The following RLF variants were observed in gnomAD, a reference collection of about 807,000 sequenced individuals.
RLF encodes zinc finger protein Rlf.
In RLF, 7 loss-of-function variants were observed where a neutral mutation model predicts 162.9. The ratio of observed to expected loss-of-function variants is 0.04; its 90% CI spans 0.02 to 0.08. RLF has a LOEUF of 0.08. RLF is among the 10% of genes least tolerant of loss of function. The pLI, the probability that RLF is intolerant of heterozygous loss-of-function variation, is 1.00. For synonymous variants in RLF, 782 were observed against 791.5 expected (o/e 0.99, Z 0.20); for missense variants, 1,664 against 2,244.7 (o/e 0.74, Z 5.23).
chr1:40,194,054 T>C (rs764582145), intron 3 of RLF, among the ~76,000 whole-genome samples: 4 of 152,180 alleles, frequency 2.6e-5, no homozygotes, highest in Non-Finnish European at 5.9e-5. Flanking sequence ...GTGAAACATA[T>C]ACGTAATCAT....
intron 6 of RLF, among the ~76,000 whole-genome samples, chr1:40,230,220 A>G (rs1168324002): frequency 2.0e-5 from 3 of 152,118 alleles, no homozygotes; most frequent in African/African-American, 7.2e-5. Context: ...TTTAAATTAC[A>G]TGTTTTCATT....
Position 40,240,486 on chromosome 1 carries a change from T to C in RLF, c.*39T>C. 1 of 1,437,494 alleles carries C rather than the reference T, an allele frequency of 7.0e-7. No individual in the cohort carries two copies. The highest frequency in any genetic ancestry group is 9.6e-7 in the Non-Finnish European group (1 of 1,037,644). 89.0% of individuals were successfully genotyped at this position (1,437,494 alleles called of 1,614,324 possible). ...TTTAGTAACAGACTGGCTCCAACAC[T>C]GCAACATGGGGACATTTGCCAACTC... On this transcript the variant is annotated 3_prime_UTR_variant, in exon 8 of 8. Coordinates refer to ENST00000372771, the MANE Select transcript of RLF (RefSeq NM_012421.4).
In RLF at chr1:40,238,562, G is replaced by C. The variant is rs1643248294; in HGVS notation, c.3860G>C (p.Gly1287Ala). The C allele has an allele frequency of 1.9e-6, 3 of 1,613,658 alleles. No individual in the cohort carries two copies. The South Asian group carries it at 3.3e-5, about 18-fold the overall frequency. The change falls in exon 8 of 8, where the codon GGC becomes GCC. Residue 1287 changes from glycine (G) to alanine (A), a missense_variant. Transcript: ENST00000372771. This position sits in a 1 kb window ranked among gnomAD's most constrained non-coding sequence, Gnocchi z 5.2. ...AGAGAAGAACAAGAAGGAAGAGAGG[G>C]CAGAGGTAGCAGGCGAACTGTTGCT... ...SHREEQEGRE[G>A]RGSRRTVAKG...
chr1:40,178,687 G>GTT (rs59172683), intron 1 of RLF, among the ~76,000 whole-genome samples: 3 of 75,126 alleles, frequency 4.0e-5, no homozygotes, highest in Non-Finnish European at 8.6e-5. Flanking sequence ...TTTGTTTTGT[G>GTT]TTTTTTTTTT....
Position 40,171,014 on chromosome 1 carries a change from G to T in RLF, c.237+9378G>T, listed in dbSNP as rs1448255782. 1.5e-4 allele frequency among the ~76,000 whole-genome samples: 13 copies of T among 87,436 alleles called. 1 individual carries two copies. Among genetic ancestry groups the T allele is most frequent in the East Asian group, 4.9e-4 (2 of 4,082 alleles). The allele number at this position is 87,436 out of a possible 152,430, so 57.4% of individuals were successfully genotyped here. On this transcript the variant is annotated intron_variant, in intron 1 of 7. Transcript: ENST00000372771. Reference sequence around the variant, plus strand: ...TGACATTTGATTTGATAGTGTTTTTGTTTGTTTGTTTGTTTGTTTGTTTTA... The same window carrying T: ...TGACATTTGATTTGATAGTGTTTTTTTTTGTTTGTTTGTTTGTTTGTTTTA...
chr1:40,201,042 C>A (rs868555469), intron 4 of RLF, among the ~76,000 whole-genome samples: 1 of 45,086 alleles, frequency 2.2e-5, no homozygotes, highest in Admixed American at 1.6e-4. Flanking sequence ...AACACACACA[C>A]CCCCCCCACA....
chr1:40,180,599 G>A (rs139646357), intron 1 of RLF, among the ~76,000 whole-genome samples: 1,845 of 152,172 alleles, frequency 0.012, 120 homozygotes, highest in Admixed American at 0.11. Context: ...TAATGGGTGC[G>A]AAGTCGTATC....
At chr1:40,170,492 C>T (rs1642229193) in intron 1 of RLF, among the ~76,000 whole-genome samples, 1 of 152,172 alleles carries the variant, frequency 6.6e-6, no homozygotes, top group African/African-American at 2.4e-5. Flanking sequence ...AACTGCTGAG[C>T]TCAAGTGAGC....
intron 4 of RLF, among the ~76,000 whole-genome samples, chr1:40,197,589 T>C (rs1235441781): frequency 6.6e-6 from 1 of 152,236 alleles, no homozygotes; most frequent in African/African-American, 2.4e-5. Context: ...TAATTAATCA[T>C]TTTTAACATA....
Position 40,239,253 on chromosome 1 carries a change from A to G in RLF, c.4551A>G (p.Lys1517=). Residue 1517 remains lysine (K), a synonymous_variant, in exon 8 of 8, where the codon AAA becomes AAG. Coordinates refer to ENST00000372771, the MANE Select transcript of RLF (RefSeq NM_012421.4). ...GATCATTTAATGCTAAGTCTAAAAA[A>G]TGTGGCTTAATCAAAGAAAAGAAAG... is the stretch of plus-strand genomic sequence containing the variant. The part of the protein sequence containing the change: ...TRRSFNAKSK[K]CGLIKEKKAP... The G allele has an allele frequency of 1.2e-6, 2 of 1,614,172 alleles. No individual in the cohort carries two copies. The highest frequency in any genetic ancestry group is 1.7e-6 in the Non-Finnish European group (2 of 1,180,012).
chr1:40,172,245 A>G (rs1053168476), intron 1 of RLF, among the ~76,000 whole-genome samples: 1 of 152,240 alleles, frequency 6.6e-6, no homozygotes, highest in African/African-American at 2.4e-5. Flanking sequence ...TCTGCCCTCA[A>G]TCTTTCCAGT....
Position 40,236,763 on chromosome 1 carries a change from C to T in RLF, c.2061C>T (p.Tyr687=), listed in dbSNP as rs781456024. 4.3e-6 allele frequency: 7 copies of T among 1,614,038 alleles called. No individual in the cohort carries two copies. In the South Asian group the frequency reaches 7.7e-5, roughly 18 times the overall value. ...DCSRVFKQFK[Y]LSVHLKAEHQ... is the part of the protein sequence containing the mutation. ...CCCGTGTGTTTAAGCAATTTAAATA[C>T]TTAAGTGTGCATCTTAAAGCTGAAC... Residue 687 remains tyrosine (Y), a synonymous_variant, in exon 8 of 8, where the codon TAC becomes TAT. Coordinates refer to ENST00000372771, the MANE Select transcript of RLF (RefSeq NM_012421.4). The surrounding 1 kb of genome is among the most constrained non-coding windows in gnomAD (Gnocchi z 7.7).
intron 1 of RLF, chr1:40,177,797 TTTAGA>T (rs1347407261): frequency 1.3e-5 from 2 of 152,120 alleles, no homozygotes; most frequent in Non-Finnish European, 2.9e-5. Flanking sequence ...TGGAAAGTTC[TTTAGA>T]TATAGATATA....
Position 40,218,362 on chromosome 1 carries a change from T to TA in RLF, c.811-4211dup, listed in dbSNP as rs142990757. ...GCCCCCACTAACTCCCTTGGCTGGT[T>TA]ACTTTTGTGCCATGCAAAACTGCAC... is the stretch of plus-strand genomic sequence containing the variant. On this transcript the variant is annotated intron_variant, in intron 5 of 7. Coordinates refer to ENST00000372771, the MANE Select transcript of RLF (RefSeq NM_012421.4). Among the ~76,000 whole-genome samples, 556 of 152,364 alleles carry TA rather than the reference T, an allele frequency of 3.6e-3. 12 individuals are homozygous for TA. The highest frequency in any genetic ancestry group is 0.031 in the East Asian group (163 of 5,190).
chr1:40,218,831 A>C (rs1447475604), intron 5 of RLF, among the ~76,000 whole-genome samples: 2 of 152,210 alleles, frequency 1.3e-5, no homozygotes, highest in Non-Finnish European at 2.9e-5. Flanking sequence ...CAGTGGTGAA[A>C]GAAACAGACT....
chr1:40,237,687 C>G lies in RLF; in HGVS notation c.2985C>G (p.Pro995=). The change falls in exon 8 of 8, where the codon CCC becomes CCG. Residue 995 remains proline (P), a synonymous_variant. Coordinates refer to ENST00000372771, the MANE Select transcript of RLF (RefSeq NM_012421.4). This position sits in a 1 kb window ranked among gnomAD's most constrained non-coding sequence, Gnocchi z 4.4. ...PKKIKTKDLF[P]SLGNEHNQTT... ...AGATAAAGACGAAAGATCTGTTTCCCTCTTTGGGTAATGAACATAATCAGA... is the reference window on the plus strand; with the variant it reads ...AGATAAAGACGAAAGATCTGTTTCCGTCTTTGGGTAATGAACATAATCAGA... 6.2e-7 allele frequency: 1 copy of G among 1,614,128 alleles called. No homozygotes were observed. The highest frequency in any genetic ancestry group is 8.5e-7 in the Non-Finnish European group (1 of 1,179,988).
chr1:40,224,882 G>A (rs1209164437), intron 6 of RLF, among the ~76,000 whole-genome samples: 3 of 151,560 alleles, frequency 2.0e-5, no homozygotes, highest in African/African-American at 7.3e-5. Context: ...AGCTACTCGG[G>A]AGCCTGAGGT....
intron 1 of RLF, among the ~76,000 whole-genome samples, chr1:40,182,710 A>C (rs1642420347): frequency 6.6e-6 from 1 of 152,014 alleles, no homozygotes; most frequent in African/African-American, 2.4e-5. Flanking sequence ...AATCCAGTGA[A>C]GTTTAATCAG....
chr1:40,176,929 CT>C (rs1642333646), intron 1 of RLF, among the ~76,000 whole-genome samples: 1 of 151,196 alleles, frequency 6.6e-6, no homozygotes, highest in Non-Finnish European at 1.5e-5. Context: ...TGCCTTCTCT[CT>C]TTTTATTATT....
Sources: allele counts gnomAD v4.1 joint callset (sites outside exome capture counted in the v4.1 genomes callset), GRCh38; gene constraint gnomAD v4.1.1; non-coding constraint Gnocchi (gnomAD v3.1); transcripts MANE v1.5; gene names NCBI Gene and HGNC (gene_info 2026-07-23, HGNC 2026-07-21).